Variants in MCPH1 observed in about 807,000 individuals in gnomAD.
MCPH1 encodes the protein microcephalin.
A neutral mutation model predicts 84.5 loss-of-function variants in MCPH1; 104 were observed. The observed-to-expected ratio is 1.23, with a 90% confidence interval of 1.05 to 1.45. The LOEUF (loss-of-function observed/expected upper bound fraction) is 1.45, where lower values mean the gene tolerates loss of function less well. Ranked by LOEUF, MCPH1 falls within the 40% of genes most tolerant of loss-of-function variation. The probability of loss-of-function intolerance (pLI) is 0.00; values close to 1 mark genes in which losing one functional copy is unlikely to be tolerated. For synonymous variants in MCPH1, 514 were observed against 366.8 expected, an observed-to-expected ratio of 1.40 and a Z score of -4.58; for missense variants, 1,498 against 1,005.7, an observed-to-expected ratio of 1.49 and a Z score of -6.62.
intron 7 of MCPH1, among the ~76,000 whole-genome samples, chr8:6,444,119 G>A (rs1451528207): frequency 6.6e-6 from 1 of 152,158 alleles, no homozygotes; most frequent in African/African-American, 2.4e-5. Context: ...ATGTGCACAT[G>A]CATATGGAAA....
chr8:6,633,181 G>T (rs1797292394), intron 13 of MCPH1, among the ~76,000 whole-genome samples: 1 of 151,380 alleles, frequency 6.6e-6, no homozygotes, highest in African/African-American at 2.4e-5. Flanking sequence ...CTCTTCAACA[G>T]TGTTCTATGA....
intron 12 of MCPH1, among the ~76,000 whole-genome samples, chr8:6,577,226 C>T (rs1269420098): frequency 6.6e-6 from 1 of 152,174 alleles, no homozygotes; most frequent in Non-Finnish European, 1.5e-5. Context: ...GACAGGGCCT[C>T]CCTGCGTGGG....
rs781411071 is a variant in MCPH1 at position 6,409,299 on chromosome 8, G to A, written c.43G>A (p.Val15Met). 4.3e-6 allele frequency: 7 copies of A among 1,613,788 alleles called. No homozygotes were observed. Among genetic ancestry groups the A allele is most frequent in the South Asian group, 3.3e-5 (3 of 91,088 alleles). ...TTCAGATGTAGTGGCCTATGTTGAA[G>A]TGTGGTCATCCAATGGAACAGAAAA... ...ILKDVVAYVE[V>M]WSSNGTENYS... Residue 15 changes from valine to methionine, a missense_variant, in exon 2 of 14, where the codon GTG (valine) becomes ATG (methionine). Physicochemically the swap from Val to Met is conservative, Grantham distance 21. Coordinates refer to ENST00000344683, the MANE Select transcript of MCPH1 (RefSeq NM_024596.5).
chr8:6,505,605 T>C (rs1813438629), intron 12 of MCPH1, among the ~76,000 whole-genome samples: 1 of 127,706 alleles, frequency 7.8e-6, no homozygotes, highest in South Asian at 2.4e-4. Flanking sequence ...ATGGAATATA[T>C]ATATTCTTTA....
intron 9 of MCPH1, chr8:6,473,708 A>G (rs562556573): frequency 2.5e-6 from 1 of 407,622 alleles, no homozygotes; most frequent in Non-Finnish European, 4.3e-6. Context: ...AAACATAGGC[A>G]TAAACCTTTA....
chr8:6,448,881 C>A (rs1279080248), intron 8 of MCPH1, among the ~76,000 whole-genome samples: 1 of 152,078 alleles, frequency 6.6e-6, no homozygotes, highest in African/African-American at 2.4e-5. Context: ...TGTAGGTACT[C>A]ATGAGATGAT....
intron 8 of MCPH1, among the ~76,000 whole-genome samples, chr8:6,454,500 C>G (rs1440971642): frequency 1.3e-5 from 2 of 152,194 alleles, no homozygotes; most frequent in African/African-American, 4.8e-5. Context: ...GAGGCACCCT[C>G]TGAGGCAGTA....
intron 12 of MCPH1, among the ~76,000 whole-genome samples, chr8:6,526,226 C>T (rs961153625): frequency 1.7e-4 from 24 of 145,108 alleles, no homozygotes; most frequent in African/African-American, 5.9e-4. Context: ...TTGAGACCAG[C>T]CTGGGCAATA....
At chr8:6,601,657 C>T (rs949054659) in intron 12 of MCPH1, among the ~76,000 whole-genome samples, 2 of 151,348 alleles carry the variant, frequency 1.3e-5, no homozygotes, top group Non-Finnish European at 2.9e-5. Flanking sequence ...ACACACAACA[C>T]AGACATTAAA....
chr8:6,407,769 A>G (rs953829583), intron 1 of MCPH1, among the ~76,000 whole-genome samples: 2 of 152,174 alleles, frequency 1.3e-5, no homozygotes, highest in South Asian at 4.1e-4. Flanking sequence ...TGAGAAGAGG[A>G]TATCCACTAG....
At chr8:6,620,057 C>T (rs1012400409) in intron 12 of MCPH1, 4 of 152,188 alleles carry the variant, frequency 2.6e-5, no homozygotes, top group South Asian at 2.1e-4. Flanking sequence ...TGCATCAGCT[C>T]AGTCTCTTTG....
Position 6,522,464 on chromosome 8 carries a change from G to A in MCPH1, c.2214+22535G>A, listed in dbSNP as rs1324261521. Among the ~76,000 whole-genome samples, 6 of 152,070 alleles carry A rather than the reference G, an allele frequency of 3.9e-5. No individual in the cohort carries two copies. The East Asian group carries it at 1.2e-3, about 30-fold the overall frequency. On this transcript the variant is annotated intron_variant, in intron 12 of 13. Coordinates refer to ENST00000344683, the MANE Select transcript of MCPH1 (RefSeq NM_024596.5). ...AGACATTATTATTCCCATTTCCAAT[G>A]AGGAAATTGAAACTTAGGGACATTG... is the stretch of plus-strand genomic sequence containing the variant.
At chr8:6,465,904 C>G (rs896922701) in intron 9 of MCPH1, among the ~76,000 whole-genome samples, 1 of 148,190 alleles carries the variant, frequency 6.7e-6, no homozygotes, top group African/African-American at 2.5e-5. Flanking sequence ...ATAATTATTT[C>G]CTACTCAATT....
chr8:6,614,303 G>A lies in MCPH1; in HGVS notation c.2215-7151G>A, dbSNP rs117959794. 1.1e-3 allele frequency among the ~76,000 whole-genome samples: 167 copies of A among 152,282 alleles called. 2 individuals are homozygous for A. The East Asian group carries it at 0.029, about 26-fold the overall frequency. On this transcript the variant is annotated intron_variant, in intron 12 of 13. Transcript: ENST00000344683. ...GATGGAAGACGGTCAGGTGCCCCAG[G>A]TTTCAGATGCCTGCCTCCTCCCATG...
chr8:6,522,271 C>T (rs1202115160), intron 12 of MCPH1, among the ~76,000 whole-genome samples: 4 of 152,060 alleles, frequency 2.6e-5, no homozygotes, highest in South Asian at 2.1e-4. Context: ...AGGAGAATGG[C>T]GTGATCTCGG....
intron 13 of MCPH1, 50 bp from the exon 14 acceptor site, chr8:6,642,944 T>C (rs1480740013): frequency 1.3e-6 from 2 of 1,540,870 alleles, no homozygotes; most frequent in African/African-American, 1.4e-5. Flanking sequence ...ATCACTTTCC[T>C]ATGTGGCTGG....
chr8:6,474,040 T>C, intron 9 of MCPH1: 1 of 823,778 alleles, frequency 1.2e-6, no homozygotes, highest in Non-Finnish European at 2.1e-6. Context: ...AACCCCTCAT[T>C]TGAAGTATTT....
intron 13 of MCPH1, chr8:6,642,701 C>A: frequency 2.1e-6 from 1 of 473,392 alleles, no homozygotes; most frequent in Non-Finnish European, 3.9e-6. Flanking sequence ...TCCCACCCTG[C>A]CCACTGAGTG....
intron 9 of MCPH1, among the ~76,000 whole-genome samples, chr8:6,466,542 C>T (rs1404417660): frequency 6.6e-6 from 1 of 152,160 alleles, no homozygotes; most frequent in African/African-American, 2.4e-5. Flanking sequence ...CTCCTGACCT[C>T]GTGATCCGCC....
Sources: allele counts gnomAD v4.1 joint callset (sites outside exome capture counted in the v4.1 genomes callset), GRCh38; gene constraint gnomAD v4.1.1; transcripts MANE v1.5; gene names NCBI Gene and HGNC (gene_info 2026-07-23, HGNC 2026-07-21).